Variants in PREX2 observed in about 807,000 individuals in gnomAD.
The protein encoded by PREX2 is phosphatidylinositol-3,4,5-trisphosphate dependent Rac exchange factor 2, also known as phosphatidylinositol 3,4,5-trisphosphate-dependent Rac exchanger 2 protein.
A neutral mutation model predicts 203.2 loss-of-function variants in PREX2; 107 were observed. The ratio of observed to expected loss-of-function variants is 0.53; its 90% CI spans 0.45 to 0.62. The LOEUF (loss-of-function observed/expected upper bound fraction) is 0.62, where lower values mean the gene tolerates loss of function less well. Among genes scored for constraint, PREX2 ranks in the 20% least tolerant of loss-of-function variants. The pLI is 0.00. For missense variants in PREX2, 1,777 were observed against 1,955.9 expected, an observed-to-expected ratio of 0.91 and a Z score of 1.72; for synonymous variants, 672 against 663.6, an observed-to-expected ratio of 1.01 and a Z score of -0.19.
intron 1 of PREX2, among the ~76,000 whole-genome samples, chr8:67,996,179 C>A (rs1206105194): frequency 6.6e-6 from 1 of 151,726 alleles, no homozygotes; most frequent in Admixed American, 6.6e-5. Flanking sequence ...GGTAGTTTTT[C>A]TTTTTTCAGT....
intron 35 of PREX2, among the ~76,000 whole-genome samples, chr8:68,189,462 A>G (rs1585853681): frequency 6.6e-6 from 1 of 152,162 alleles, no homozygotes; most frequent in Non-Finnish European, 1.5e-5. Context: ...TTATGATGAC[A>G]GCACTCCTCT....
At chr8:67,991,044 C>G (rs900185986) in intron 1 of PREX2, among the ~76,000 whole-genome samples, 1 of 152,070 alleles carries the variant, frequency 6.6e-6, no homozygotes, top group Non-Finnish European at 1.5e-5. Context: ...TCAGCTAACC[C>G]GATTTGTATG....
intron 30 of PREX2, 21 bp from the exon 31 acceptor site, chr8:68,127,357 A>G (rs1163134653): frequency 1.3e-6 from 2 of 1,573,718 alleles, no homozygotes; most frequent in African/African-American, 2.7e-5. Flanking sequence ...CAATTAACTG[A>G]TGTGTTTTCT....
intron 1 of PREX2, among the ~76,000 whole-genome samples, chr8:67,986,671 A>C (rs1806436611): frequency 6.6e-6 from 1 of 152,182 alleles, no homozygotes; most frequent in East Asian, 1.9e-4. Context: ...AGTTGCTGGC[A>C]CCCAGCATGG....
At chr8:68,067,065 A>G (rs1435045797) in intron 11 of PREX2, among the ~76,000 whole-genome samples, 1 of 152,004 alleles carries the variant, frequency 6.6e-6, no homozygotes, top group Admixed American at 6.6e-5. Context: ...CTGGGATCTG[A>G]TCTCTATTCT....
chr8:68,103,740 A>G, intron 23 of PREX2: 1 of 519,264 alleles, frequency 1.9e-6, no homozygotes, highest in Non-Finnish European at 3.9e-6. Context: ...GTAAACCTCT[A>G]CTTGGTGGTT....
At chr8:68,131,243 C>T (rs1192500443) in intron 31 of PREX2, among the ~76,000 whole-genome samples, 1 of 152,144 alleles carries the variant, frequency 6.6e-6, no homozygotes, top group Non-Finnish European at 1.5e-5. Flanking sequence ...CACAAGGTCC[C>T]GCTTATGCCA....
chr8:68,101,562 C>G lies in PREX2; in HGVS notation c.2715+1719C>G, dbSNP rs1585793154. On this transcript the variant is annotated intron_variant, in intron 23 of 39. Transcript: ENST00000288368. ...GACAGAAGATTCTTTTCTTACTTCT[C>G]CTTTCTCTATAAAACATGACCGTGC... 8.8e-6 allele frequency: 4 copies of G among 455,918 alleles called. No homozygotes were observed. In the East Asian group the frequency reaches 2.3e-4, roughly 26 times the overall value. 28.2% of individuals were successfully genotyped at this position (455,918 alleles called of 1,614,324 possible). A position where few individuals can be genotyped will look rare whatever the true frequency, so the allele number is the denominator to read the frequency against.
intron 1 of PREX2, among the ~76,000 whole-genome samples, chr8:67,983,377 C>T (rs1156667714): frequency 6.6e-6 from 1 of 152,212 alleles, no homozygotes; most frequent in Non-Finnish European, 1.5e-5. Flanking sequence ...TATGTAAGCA[C>T]TTTTTCATTT....
chr8:68,000,272 C>T (rs1029616878), intron 1 of PREX2, among the ~76,000 whole-genome samples: 50 of 152,244 alleles, frequency 3.3e-4, no homozygotes, highest in African/African-American at 1.2e-3. Flanking sequence ...AATTAATGTG[C>T]AAAAATTGTT....
At chr8:68,055,360 C>G (rs1274244042) in intron 9 of PREX2, among the ~76,000 whole-genome samples, 1 of 152,226 alleles carries the variant, frequency 6.6e-6, no homozygotes, top group Non-Finnish European at 1.5e-5. Flanking sequence ...AATCTCCATT[C>G]ACACCTGTGC....
chr8:67,971,867 G>GA (rs1477677393), intron 1 of PREX2, among the ~76,000 whole-genome samples: 1 of 152,198 alleles, frequency 6.6e-6, no homozygotes, highest in Non-Finnish European at 1.5e-5. Context: ...CGTGGGAAAG[G>GA]AAGTATGCTA....
rs76207499 is a variant in PREX2 at position 68,090,994 on chromosome 8, A to G, written c.2250+279A>G. ...GAGATACAAGTTCTATCAAATTGAAATCCAAAGGTTTGAACTGTTTTCTTG... is the reference window on the plus strand; with the variant it reads ...GAGATACAAGTTCTATCAAATTGAAGTCCAAAGGTTTGAACTGTTTTCTTG... On this transcript the variant is annotated intron_variant, in intron 20 of 39. Coordinates refer to ENST00000288368, the MANE Select transcript of PREX2 (RefSeq NM_024870.4). Among the ~76,000 whole-genome samples the G allele has an allele frequency of 9.6e-3, 1,461 of 152,324 alleles. 8 individuals carry two copies. Among genetic ancestry groups the G allele is most frequent in the Non-Finnish European group, 0.015 (1,047 of 68,028 alleles).
chr8:68,082,828 A>G (rs12542133), intron 17 of PREX2: 83,899 of 157,648 alleles, frequency 0.53, 22,361 homozygotes, highest in South Asian at 0.56. Flanking sequence ...GGCTAGAGAT[A>G]CATATTTGGG....
At chr8:68,070,458 A>G (rs139792569) in intron 13 of PREX2, among the ~76,000 whole-genome samples, 138 of 152,104 alleles carry the variant, frequency 9.1e-4, no homozygotes, top group African/African-American at 3.2e-3. Context: ...ATTAATTTTT[A>G]GTTTATCTCT....
intron 23 of PREX2, chr8:68,100,261 T>C (rs1417259641): frequency 4.5e-6 from 2 of 446,984 alleles, no homozygotes; most frequent in Admixed American, 2.5e-5. Context: ...AATTAATTGA[T>C]TAAGTCATTC....
chr8:68,146,256 G>A lies in PREX2; in HGVS notation c.4135G>A (p.Val1379Ile). 1 of 1,612,056 alleles carries A rather than the reference G, an allele frequency of 6.2e-7. No homozygotes were observed. The highest frequency in any genetic ancestry group is 2.2e-5 in the East Asian group (1 of 44,666). The stretch of plus-strand genomic sequence containing the variant: ...AGAAGGAAGTCGGCAAGCTCTGAAA[G>A]TTTACTTCTACATTGATAGTTATCA... Reference protein sequence around the residue: ...QAEGSRQALKVYFYIDSYHFE... With the variant: ...QAEGSRQALKIYFYIDSYHFE... The change falls in exon 34 of 40, where the codon GTT (valine) becomes ATT (isoleucine). Residue 1379 changes from valine to isoleucine, a missense_variant. Val to Ile is a conservative substitution (Grantham distance 29). Coordinates refer to ENST00000288368, the MANE Select transcript of PREX2 (RefSeq NM_024870.4).
chr8:68,167,105 A>G (rs1417173911), intron 35 of PREX2, among the ~76,000 whole-genome samples: 2 of 152,170 alleles, frequency 1.3e-5, no homozygotes, highest in Non-Finnish European at 2.9e-5. Context: ...GTTGGGAAGA[A>G]CCAGAGTTGT....
chr8:68,154,774 A>G (rs1811508463), intron 34 of PREX2, among the ~76,000 whole-genome samples: 1 of 152,238 alleles, frequency 6.6e-6, no homozygotes, highest in African/African-American at 2.4e-5. Flanking sequence ...ATAAGGAGAC[A>G]AAGCATACAA....
Sources: allele counts gnomAD v4.1 joint callset (sites outside exome capture counted in the v4.1 genomes callset), GRCh38; gene constraint gnomAD v4.1.1; transcripts MANE v1.5; gene names NCBI Gene and HGNC (gene_info 2026-07-23, HGNC 2026-07-21).